Variants in PCDH7 observed in about 807,000 individuals in gnomAD.
PCDH7 encodes protocadherin-7.
In PCDH7, 17 loss-of-function variants were observed where a neutral mutation model predicts 58.9. The observed-to-expected ratio is 0.29, with a 90% confidence interval of 0.20 to 0.43. The LOEUF is 0.43. Ranked by LOEUF, PCDH7 falls within the 20% of genes least tolerant of loss-of-function variation. PCDH7 has a pLI of 1.00. For missense variants in PCDH7, 1,274 were observed against 1,441.0 expected (o/e 0.88, Z 1.88); for synonymous variants, 664 against 616.4 (o/e 1.08, Z -1.14).
At chr4:30,783,695 C>G (rs143024864) in intron 1 of PCDH7, among the ~76,000 whole-genome samples, 1 of 152,122 alleles carries the variant, frequency 6.6e-6, no homozygotes, top group Non-Finnish European at 1.5e-5. Flanking sequence ...GGTCTGAGTT[C>G]TTTTCCAATT....
chr4:31,128,347 C>T (rs555949813), intron 3 of PCDH7, among the ~76,000 whole-genome samples: 3 of 152,154 alleles, frequency 2.0e-5, no homozygotes, highest in African/African-American at 4.8e-5. Context: ...CAGGTTACTA[C>T]CATGAGGCAG....
intron 3 of PCDH7, among the ~76,000 whole-genome samples, chr4:31,142,142 C>A (rs1409511133): frequency 6.6e-6 from 1 of 152,122 alleles, no homozygotes; most frequent in Non-Finnish European, 1.5e-5. Flanking sequence ...AGCACCCATA[C>A]AAATTTACCT....
downstream of PCDH7, among the ~76,000 whole-genome samples, chr4:30,736,423 C>G (rs1220203467): frequency 6.6e-6 from 1 of 151,808 alleles, no homozygotes; most frequent in East Asian, 1.9e-4. Flanking sequence ...TCGGGGTGAT[C>G]TCATAATGTG....
chr4:30,747,719 A>G (rs1717957252), intron 1 of PCDH7, among the ~76,000 whole-genome samples: 1 of 152,216 alleles, frequency 6.6e-6, no homozygotes, highest in African/African-American at 2.4e-5. Flanking sequence ...TCCATTTGCA[A>G]TCTTAATTCT....
chr4:31,048,042 A>G (rs949136228), intron 3 of PCDH7, among the ~76,000 whole-genome samples: 3 of 152,110 alleles, frequency 2.0e-5, no homozygotes, highest in African/African-American at 7.2e-5. Flanking sequence ...TTAAGCAGTT[A>G]TCTATATGAG....
At chr4:30,811,387 A>C (rs1680697660) in intron 1 of PCDH7, among the ~76,000 whole-genome samples, 1 of 152,196 alleles carries the variant, frequency 6.6e-6, no homozygotes, top group African/African-American at 2.4e-5. Flanking sequence ...AAACATAATC[A>C]ATTACCTATA....
At chr4:30,927,638 T>G (rs1744043526) in intron 2 of PCDH7, among the ~76,000 whole-genome samples, 1 of 152,104 alleles carries the variant, frequency 6.6e-6, no homozygotes, top group South Asian at 2.1e-4. Flanking sequence ...TGTGCTTTGT[T>G]AAACAGATGC....
Position 30,961,080 on chromosome 4 carries a change from C to G in PCDH7, c.*7+10865C>G, listed in dbSNP as rs1578420819. ...ATAGATCTTTAAAAGACTATTTTCT[C>G]TCTCAGCAGATCTTCTCTTGCCAAA... On this transcript the variant is annotated intron_variant, in intron 3 of 3. Transcript: ENST00000509759. 3.3e-5 allele frequency among the ~76,000 whole-genome samples: 5 copies of G among 152,226 alleles called. No individual in the cohort carries two copies. In the East Asian group the frequency reaches 9.6e-4, roughly 29 times the overall value.
intron 2 of PCDH7, among the ~76,000 whole-genome samples, chr4:30,940,599 G>T (rs1673121004): frequency 6.6e-6 from 1 of 151,944 alleles, no homozygotes. Flanking sequence ...TTTTTACAAT[G>T]AAATTCTTGT....
intron 1 of PCDH7, among the ~76,000 whole-genome samples, chr4:30,808,436 G>A (rs1358787621): frequency 2.0e-5 from 3 of 151,950 alleles, no homozygotes; most frequent in Admixed American, 2.0e-4. Flanking sequence ...AGATAACTTA[G>A]GCACAATTCT....
At chr4:30,963,813 G>T (rs1748713339) in intron 3 of PCDH7, among the ~76,000 whole-genome samples, 1 of 152,080 alleles carries the variant, frequency 6.6e-6, no homozygotes, top group African/African-American at 2.4e-5. Flanking sequence ...TTTGACATGA[G>T]TTAAAGCCTT....
At chr4:31,006,897 A>G (rs1752808826) in intron 3 of PCDH7, among the ~76,000 whole-genome samples, 1 of 144,256 alleles carries the variant, frequency 6.9e-6, no homozygotes. Flanking sequence ...TGTCTCAAAA[A>G]AAAAAAAAAA....
chr4:30,826,147 T>C (rs916468944), intron 1 of PCDH7, among the ~76,000 whole-genome samples: 1 of 152,174 alleles, frequency 6.6e-6, no homozygotes, highest in African/African-American at 2.4e-5. Context: ...TTCTATTCCA[T>C]TCGATAACCT....
chr4:30,970,334 G>A (rs966837897), intron 3 of PCDH7, among the ~76,000 whole-genome samples: 4 of 149,704 alleles, frequency 2.7e-5, no homozygotes, highest in South Asian at 2.1e-4. Context: ...TAGCTCAGTC[G>A]CCCAGGCTGG....
chr4:31,109,883 C>CA (rs1716062847), intron 3 of PCDH7, among the ~76,000 whole-genome samples: 1 of 152,204 alleles, frequency 6.6e-6, no homozygotes, highest in Non-Finnish European at 1.5e-5. Context: ...TATACATAGG[C>CA]AGACGCTGTT....
chr4:30,734,742 G>T (rs552872446), downstream of PCDH7, among the ~76,000 whole-genome samples: 1 of 152,132 alleles, frequency 6.6e-6, no homozygotes, highest in South Asian at 2.1e-4. Flanking sequence ...CTTAGAGGAG[G>T]CACTCATAAA....
intron 3 of PCDH7, among the ~76,000 whole-genome samples, chr4:31,065,928 A>G (rs777992368): frequency 3.5e-4 from 53 of 152,066 alleles, no homozygotes; most frequent in Admixed American, 3.3e-4. Flanking sequence ...TATTTTGGTA[A>G]TGGAGGTGAC....
intron 1 of PCDH7, among the ~76,000 whole-genome samples, chr4:30,770,884 T>C (rs963470567): frequency 1.3e-5 from 2 of 152,216 alleles, no homozygotes; most frequent in African/African-American, 4.8e-5. Context: ...TGATTTATTA[T>C]GAAAGAAATT....
At chr4:30,878,719 G>C (rs1397142635) in intron 1 of PCDH7, among the ~76,000 whole-genome samples, 3 of 152,038 alleles carry the variant, frequency 2.0e-5, no homozygotes, top group Non-Finnish European at 4.4e-5. Context: ...GTTTGATGGT[G>C]GGCGCCTGTA....
Sources: allele counts gnomAD v4.1 joint callset (sites outside exome capture counted in the v4.1 genomes callset), GRCh38; gene constraint gnomAD v4.1.1; transcripts MANE v1.5; gene names NCBI Gene and HGNC (gene_info 2026-07-23, HGNC 2026-07-21).